The following SPATS1 variants were observed in gnomAD, a reference collection of about 807,000 sequenced individuals.
SPATS1 encodes spermatogenesis associated serine rich 1.
In SPATS1, 23 loss-of-function variants were observed where a neutral mutation model predicts 33.6. The ratio of observed to expected loss-of-function variants is 0.68; its 90% CI spans 0.49 to 0.97. The LOEUF (loss-of-function observed/expected upper bound fraction) is 0.97, where lower values mean the gene tolerates loss of function less well. SPATS1 is among the 50% of genes least tolerant of loss of function. The pLI, the probability that SPATS1 is intolerant of heterozygous loss-of-function variation, is 0.00. For missense variants in SPATS1, 327 were observed against 361.0 expected (o/e 0.91, Z 0.76); for synonymous variants, 131 against 125.6 (o/e 1.04, Z -0.29).
At chr6:44,373,005 C>T (rs1789717418) in intron 7 of SPATS1, among the ~76,000 whole-genome samples, 1 of 152,142 alleles carries the variant, frequency 6.6e-6, no homozygotes, top group African/African-American at 2.4e-5. Context: ...CCTTTGTGAG[C>T]CCATTCAGTT....
At chr6:44,342,973 C>T in intron 1 of SPATS1, 123 bp from the exon 2 acceptor site, 2 of 1,326,300 alleles carry the variant, frequency 1.5e-6, no homozygotes, top group South Asian at 2.7e-5. Flanking sequence ...GTTTAGAGGC[C>T]AGTCCTGCCC....
At chr6:44,344,434 TCAGAGA>T (rs1787755474) in intron 2 of SPATS1, among the ~76,000 whole-genome samples, 1 of 151,422 alleles carries the variant, frequency 6.6e-6, no homozygotes, top group African/African-American at 2.4e-5. Flanking sequence ...CATTTTTCCA[TCAGAGA>T]ACCGATTGCT....
intron 7 of SPATS1, among the ~76,000 whole-genome samples, chr6:44,370,979 G>GTTTT (rs532344535): frequency 8.5e-5 from 12 of 141,688 alleles, no homozygotes; most frequent in Non-Finnish European, 1.1e-4. Context: ...AAAAAGAAAG[G>GTTTT]TTTTTTTTTT....
intron 2 of SPATS1, 156 bp downstream of exon 2, chr6:44,343,390 G>A (rs753285059): frequency 1.2e-6 from 1 of 850,508 alleles, no homozygotes; most frequent in South Asian, 1.4e-5. Context: ...GCTTATGTTT[G>A]TGCTAACCCA....
chr6:44,352,037 A>G lies in SPATS1; in HGVS notation c.140-689A>G, dbSNP rs150246634. The stretch of plus-strand genomic sequence containing the variant: ...TCTTCCACTTAGTTCAGAGTAGGTG[A>G]ACTATATGTAGGGGCAAGCAGTCTA... On this transcript the variant is annotated intron_variant, in intron 2 of 8. Transcript: ENST00000674044. 2.6e-3 allele frequency among the ~76,000 whole-genome samples: 395 copies of G among 152,320 alleles called. 4 individuals carry two copies. The highest frequency in any genetic ancestry group is 8.3e-3 in the African/African-American group (347 of 41,570).
chr6:44,376,009 G>T (rs1789923754), intron 7 of SPATS1, among the ~76,000 whole-genome samples: 1 of 151,428 alleles, frequency 6.6e-6, no homozygotes. Context: ...GGGAGGCTGA[G>T]GCAGGAGAAT....
intron 5 of SPATS1, among the ~76,000 whole-genome samples, chr6:44,366,737 TAAAAA>T (rs1789274956): frequency 2.6e-5 from 4 of 152,194 alleles, no homozygotes; most frequent in Non-Finnish European, 4.4e-5. Flanking sequence ...TCCTCCAGAT[TAAAAA>T]ATAATTGGGA....
chr6:44,373,635 G>A (rs1204901075), intron 7 of SPATS1, among the ~76,000 whole-genome samples: 1 of 151,464 alleles, frequency 6.6e-6, no homozygotes, highest in Non-Finnish European at 1.5e-5. Context: ...ATCTGCAAAT[G>A]CAACAATCCA....
At chr6:44,358,236 G>T (rs761083089) in intron 3 of SPATS1, among the ~76,000 whole-genome samples, 6 of 152,140 alleles carry the variant, frequency 3.9e-5, no homozygotes, top group Non-Finnish European at 7.4e-5. Context: ...TATGAGTGAC[G>T]CATTGTTATG....
intron 5 of SPATS1, 98 bp downstream of exon 5, chr6:44,362,090 A>G (rs1358726596): frequency 2.1e-6 from 3 of 1,460,760 alleles, no homozygotes; most frequent in East Asian, 2.3e-5. Flanking sequence ...GCAGCCCTGT[A>G]GAGTCACCAT....
chr6:44,342,831 G>C, intron 1 of SPATS1, 63 bp downstream of exon 1: 1 of 1,101,616 alleles, frequency 9.1e-7, no homozygotes, highest in Non-Finnish European at 1.3e-6. Flanking sequence ...GGAAGACCCC[G>C]AGGTGGAAAA....
rs569638647 is a variant in SPATS1 at position 44,355,704 on chromosome 6, A to G, written c.287+2831A>G. On this transcript the variant is annotated intron_variant, in intron 3 of 8. Transcript: ENST00000674044. ...AGGGAAGTTGCTCAAGTGATTCTTT[A>G]TATCACAAAATCTGCTCCAAGTGGA... Among the ~76,000 whole-genome samples, 6 of 152,356 alleles carry G rather than the reference A, an allele frequency of 3.9e-5. No homozygotes were observed. In the East Asian group the frequency reaches 1.2e-3, roughly 29 times the overall value.
chr6:44,362,531 C>T (rs955074160), intron 5 of SPATS1, among the ~76,000 whole-genome samples: 9 of 152,088 alleles, frequency 5.9e-5, no homozygotes, highest in African/African-American at 1.9e-4. Context: ...ATAGACTTAC[C>T]GAAAGACCCT....
chr6:44,368,898 A>AT lies in SPATS1; in HGVS notation c.695+415dup, dbSNP rs60261813. ...AAAAGAAAAATAGTTGGTGTATTAC[A>AT]TTTTTTTTTTTTTTTTGAGACGGAG... is the stretch of plus-strand genomic sequence containing the variant. On this transcript the variant is annotated intron_variant, in intron 6 of 8. Transcript: ENST00000674044. Among the ~76,000 whole-genome samples the AT allele has an allele frequency of 2.5e-3, 337 of 134,582 alleles. 2 individuals carry two copies. The highest frequency in any genetic ancestry group is 7.6e-3 in the South Asian group (33 of 4,320). 88.3% of individuals were successfully genotyped at this position (134,582 alleles called of 152,430 possible).
intron 3 of SPATS1, among the ~76,000 whole-genome samples, chr6:44,358,734 C>G (rs575066209): frequency 6.6e-6 from 1 of 152,272 alleles, no homozygotes; most frequent in Admixed American, 6.5e-5. Flanking sequence ...TCCTATCCCT[C>G]TAGTCTGAGA....
chr6:44,368,246 C>T, intron 5 of SPATS1, 133 bp from the exon 6 acceptor site: 1 of 933,348 alleles, frequency 1.1e-6, no homozygotes, highest in Non-Finnish European at 1.5e-6. Flanking sequence ...ACAAACAGAA[C>T]TTTGAGAAAC....
chr6:44,342,871 G>A (rs920523537), intron 1 of SPATS1, 103 bp downstream of exon 1: 1 of 1,291,976 alleles, frequency 7.7e-7, no homozygotes, highest in Non-Finnish European at 1.1e-6. Context: ...GATGGGGGCT[G>A]CAGCGAGCCT....
At chr6:44,376,333 T>A in intron 7 of SPATS1, 25 bp from the exon 8 acceptor site, 1 of 1,514,332 alleles carries the variant, frequency 6.6e-7, no homozygotes, top group South Asian at 1.2e-5. Context: ...AAACTACAAC[T>A]CAGGGTGTTG....
At chr6:44,369,123 C>G (rs180747959) in intron 6 of SPATS1, among the ~76,000 whole-genome samples, 25 of 152,132 alleles carry the variant, frequency 1.6e-4, no homozygotes, top group East Asian at 3.9e-4. Flanking sequence ...GTCTTGATCT[C>G]CTGACCTCGT....
Sources: gnomAD v4.1 joint callset for allele counts (sites outside exome capture counted in the v4.1 genomes callset) on GRCh38, gnomAD v4.1.1 for gene constraint, MANE v1.5 for transcripts, NCBI Gene and HGNC (gene_info 2026-07-23, HGNC 2026-07-21) for gene names.